DIAPH3: variants seen among roughly 807,000 people sequenced by gnomAD.
DIAPH3 encodes the protein protein diaphanous homolog 3.
A neutral mutation model predicts 144.3 loss-of-function variants in DIAPH3; 117 were observed. That is an observed-to-expected ratio of 0.81 (90% CI 0.70 to 0.95). DIAPH3 has a LOEUF of 0.95. Ranked by LOEUF, DIAPH3 falls within the 40% of genes least tolerant of loss-of-function variation. DIAPH3 has a pLI of 0.00. For synonymous variants in DIAPH3, 519 were observed against 488.9 expected (o/e 1.06, Z -0.81); for missense variants, 1,421 against 1,412.7 (o/e 1.01, Z -0.09).
chr13:59,889,666 T>A (rs192583868), intron 20 of DIAPH3, among the ~76,000 whole-genome samples: 264 of 152,202 alleles, frequency 1.7e-3, no homozygotes, highest in African/African-American at 5.9e-3. Flanking sequence ...TTTAATTCAA[T>A]ATTGCATTCA....
At chr13:59,682,084 C>T (rs747642617) in intron 27 of DIAPH3, among the ~76,000 whole-genome samples, 6 of 152,126 alleles carry the variant, frequency 3.9e-5, no homozygotes, top group Non-Finnish European at 8.8e-5. Context: ...GTACAGAGTA[C>T]TGTCCATACT....
intron 4 of DIAPH3, among the ~76,000 whole-genome samples, chr13:60,072,778 A>G (rs760804125): frequency 1.4e-4 from 22 of 152,198 alleles, no homozygotes; most frequent in Non-Finnish European, 2.6e-4. Flanking sequence ...TATGTTTAGT[A>G]CTGCTAGATG....
At chr13:59,688,264 C>A (rs1352185931) in intron 27 of DIAPH3, among the ~76,000 whole-genome samples, 1 of 151,978 alleles carries the variant, frequency 6.6e-6, no homozygotes, top group Non-Finnish European at 1.5e-5. Context: ...ACAATATTCA[C>A]CTGCAATTTT....
intron 22 of DIAPH3, among the ~76,000 whole-genome samples, chr13:59,846,995 C>T (rs1002048363): frequency 2.0e-5 from 3 of 152,242 alleles, no homozygotes; most frequent in Admixed American, 2.0e-4. Flanking sequence ...AGGAAGATAG[C>T]TTGAGCCCAG....
intron 27 of DIAPH3, among the ~76,000 whole-genome samples, chr13:59,726,481 A>C (rs2138946720): frequency 6.6e-6 from 1 of 152,306 alleles, no homozygotes; most frequent in Non-Finnish European, 1.5e-5. Context: ...CCTATGTTCC[A>C]TACAATGTAC....
chr13:59,834,206 G>T (rs1196601381), intron 23 of DIAPH3, among the ~76,000 whole-genome samples: 2 of 151,560 alleles, frequency 1.3e-5, no homozygotes, highest in East Asian at 3.9e-4. Context: ...TTCTTGTGTG[G>T]CAAATTGCTA....
At chr13:59,715,327 T>C (rs1429697929) in intron 27 of DIAPH3, among the ~76,000 whole-genome samples, 1 of 152,186 alleles carries the variant, frequency 6.6e-6, no homozygotes, top group Non-Finnish European at 1.5e-5. Context: ...TCTGTAGCAG[T>C]ACATTTTTTA....
intron 3 of DIAPH3, among the ~76,000 whole-genome samples, chr13:60,098,164 A>G (rs957580875): frequency 3.9e-5 from 6 of 152,060 alleles, no homozygotes; most frequent in Admixed American, 3.9e-4. Flanking sequence ...CCATTATCTA[A>G]GGTCAGTTTC....
chr13:59,904,270 G>A lies in DIAPH3; in HGVS notation c.2367+7465C>T, dbSNP rs561700232. Among the ~76,000 whole-genome samples the A allele has an allele frequency of 2.8e-3, 430 of 152,230 alleles. 3 individuals are homozygous for A. The highest frequency in any genetic ancestry group is 4.8e-3 in the Non-Finnish European group (328 of 68,012). On this transcript the variant is annotated intron_variant, in intron 20 of 27. Transcript: ENST00000400324. ...AGACGTAATGCTGGGTGGGAAGGACGGGATTACAGATGAGCCTGAGGAAAC... is the reference window on the plus strand; with the variant it reads ...AGACGTAATGCTGGGTGGGAAGGACAGGATTACAGATGAGCCTGAGGAAAC...
intron 21 of DIAPH3, among the ~76,000 whole-genome samples, chr13:59,872,005 A>T (rs1007478002): frequency 2.0e-5 from 3 of 151,952 alleles, no homozygotes; most frequent in Non-Finnish European, 4.4e-5. Context: ...TTGGCTATTG[A>T]TCTTTTTAAA....
chr13:59,897,812 G>A (rs1002610477), intron 20 of DIAPH3, among the ~76,000 whole-genome samples: 2 of 151,126 alleles, frequency 1.3e-5, no homozygotes, highest in Non-Finnish European at 3.0e-5. Flanking sequence ...CACAATAGAT[G>A]AGAAGAAAAA....
chr13:59,766,877 T>G (rs2037886975), intron 27 of DIAPH3, among the ~76,000 whole-genome samples: 1 of 152,106 alleles, frequency 6.6e-6, no homozygotes, highest in South Asian at 2.1e-4. Flanking sequence ...CAATACTGCG[T>G]TTCTCAAGGT....
intron 17 of DIAPH3, among the ~76,000 whole-genome samples, chr13:59,939,875 A>G (rs945887442): frequency 7.2e-6 from 1 of 138,466 alleles, no homozygotes; most frequent in African/African-American, 2.6e-5. Flanking sequence ...TGTGTGTATC[A>G]CTAAGGAATC....
chr13:59,672,423 G>A (rs534645560), intron 27 of DIAPH3, among the ~76,000 whole-genome samples: 1 of 152,270 alleles, frequency 6.6e-6, no homozygotes, highest in African/African-American at 2.4e-5. Flanking sequence ...TCTATTCAGT[G>A]TTCCTGAAAT....
chr13:59,889,557 A>G (rs1231448458), intron 20 of DIAPH3, among the ~76,000 whole-genome samples: 1 of 151,998 alleles, frequency 6.6e-6, no homozygotes, highest in Non-Finnish European at 1.5e-5. Context: ...ACATATTTGT[A>G]GTATCCTTAT....
intron 4 of DIAPH3, among the ~76,000 whole-genome samples, chr13:60,075,155 C>T (rs990152078): frequency 6.6e-6 from 1 of 152,098 alleles, no homozygotes; most frequent in African/African-American, 2.4e-5. Context: ...ACAAAAAATG[C>T]TCTCCATACC....
chr13:59,936,045 A>G (rs1041365580), intron 17 of DIAPH3, among the ~76,000 whole-genome samples: 3 of 152,208 alleles, frequency 2.0e-5, no homozygotes, highest in African/African-American at 7.2e-5. Context: ...TCTGCAAGTC[A>G]AGTCCTACAT....
chr13:60,127,653 A>T (rs2059023033), intron 2 of DIAPH3, among the ~76,000 whole-genome samples: 1 of 152,140 alleles, frequency 6.6e-6, no homozygotes, highest in Non-Finnish European at 1.5e-5. Context: ...ACACTTTGTG[A>T]CTCCATTTAT....
intron 17 of DIAPH3, among the ~76,000 whole-genome samples, chr13:59,944,531 G>A (rs1370977065): frequency 2.6e-5 from 4 of 152,034 alleles, no homozygotes; most frequent in Non-Finnish European, 4.4e-5. Flanking sequence ...TTATTTTCTG[G>A]AAGACAACTG....
Sources: gnomAD v4.1 joint callset for allele counts (sites outside exome capture counted in the v4.1 genomes callset) on GRCh38, gnomAD v4.1.1 for gene constraint, MANE v1.5 for transcripts, NCBI Gene and HGNC (gene_info 2026-07-23, HGNC 2026-07-21) for gene names.